PTPRM: variants seen among roughly 807,000 people sequenced by gnomAD.
PTPRM encodes protein tyrosine phosphatase receptor type M.
PTPRM carries 47 observed loss-of-function variants against 186.7 expected under a neutral mutation model. The observed-to-expected ratio is 0.25, with a 90% CI of 0.20 to 0.32. PTPRM has a LOEUF of 0.32. Ranked by LOEUF, PTPRM falls within the 10% of genes least tolerant of loss-of-function variation. The probability of loss-of-function intolerance (pLI) is 1.00; values close to 1 mark genes in which losing one functional copy is unlikely to be tolerated. For missense variants in PTPRM, 1,494 were observed against 1,865.0 expected (o/e 0.80, Z 3.66); for synonymous variants, 668 against 674.9 (o/e 0.99, Z 0.16).
rs2036460406 is a variant in PTPRM, at chr18:7,567,777, A to T, written c.-42A>T. On this transcript the variant is annotated 5_prime_UTR_variant, in exon 1 of 33. Coordinates refer to ENST00000580170, the MANE Select transcript of PTPRM (RefSeq NM_001105244.2). The surrounding 1 kb of genome is among the most constrained non-coding windows in gnomAD (Gnocchi z 4.3). ...CGGCCCCCTCCGCCCTCGCGCGCCC[A>T]CCCACCGCCGCCGGGGAGCGGCCCG... 2 of 1,503,130 alleles carry T rather than the reference A, an allele frequency of 1.3e-6. No individual in the cohort carries two copies. Among genetic ancestry groups the T allele is most frequent in the Middle Eastern group, 1.8e-4 (1 of 5,562 alleles). The allele number at this position is 1,503,130 out of a possible 1,614,324, so 93.1% of individuals were successfully genotyped here.
At chr18:7,835,014 T>A (rs1385271921) in intron 2 of PTPRM, among the ~76,000 whole-genome samples, 3 of 105,610 alleles carry the variant, frequency 2.8e-5, no homozygotes, top group East Asian at 3.3e-4. Context: ...TTTTTTTTTT[T>A]AGTCTGGCTA....
intron 32 of PTPRM, among the ~76,000 whole-genome samples, chr18:8,399,228 G>A (rs182841857): frequency 6.6e-6 from 1 of 152,294 alleles, no homozygotes; most frequent in Admixed American, 6.5e-5. Flanking sequence ...CCATCATACG[G>A]TTAAAACAGA....
intron 14 of PTPRM, among the ~76,000 whole-genome samples, chr18:8,238,667 T>G (rs1284955799): frequency 1.7e-4 from 24 of 139,558 alleles, no homozygotes; most frequent in Non-Finnish European, 2.5e-4. Flanking sequence ...TTTTTTTTTT[T>G]TTTTTTTTTT....
chr18:7,666,146 GT>G (rs2039090128), intron 1 of PTPRM, among the ~76,000 whole-genome samples: 1 of 152,150 alleles, frequency 6.6e-6, no homozygotes, highest in Non-Finnish European at 1.5e-5. Context: ...AGCTATTGAA[GT>G]TTTATTTAAA....
At chr18:7,981,623 G>A (rs538116084) in intron 7 of PTPRM, among the ~76,000 whole-genome samples, 6 of 152,284 alleles carry the variant, frequency 3.9e-5, no homozygotes, top group African/African-American at 1.4e-4. Context: ...ATATATATGA[G>A]TATGAAGTAT....
chr18:8,298,641 C>A (rs576262972), intron 20 of PTPRM, among the ~76,000 whole-genome samples: 1 of 152,286 alleles, frequency 6.6e-6, no homozygotes, highest in Non-Finnish European at 1.5e-5. Context: ...ACATCGAAAC[C>A]CGCTCACTAA....
chr18:8,034,946 T>C (rs1043728569), intron 7 of PTPRM, among the ~76,000 whole-genome samples: 1 of 152,116 alleles, frequency 6.6e-6, no homozygotes, highest in African/African-American at 2.4e-5. Flanking sequence ...CTCCATGGAA[T>C]TTTCAAGGAT....
At chr18:7,914,522 T>C (rs2050442575) in intron 4 of PTPRM, among the ~76,000 whole-genome samples, 1 of 152,142 alleles carries the variant, frequency 6.6e-6, no homozygotes, top group South Asian at 2.1e-4. Flanking sequence ...ATAATGTTTT[T>C]CTCACTGAGT....
intron 1 of PTPRM, among the ~76,000 whole-genome samples, chr18:7,735,435 G>A (rs548451404): frequency 6.6e-6 from 1 of 151,246 alleles, no homozygotes; most frequent in East Asian, 2.0e-4. Context: ...AAGCAAGCAA[G>A]CAAACAAACA....
chr18:7,725,492 T>C (rs1346057308), intron 1 of PTPRM, among the ~76,000 whole-genome samples: 1 of 152,076 alleles, frequency 6.6e-6, no homozygotes, highest in African/African-American at 2.4e-5. Context: ...TGAGAACTTA[T>C]GCTCCTGTTT....
intron 7 of PTPRM, among the ~76,000 whole-genome samples, chr18:8,003,450 G>A (rs1188992587): frequency 2.0e-5 from 3 of 152,158 alleles, no homozygotes; most frequent in Admixed American, 1.3e-4. Context: ...GCAAATTTGG[G>A]CATCCCATTT....
chr18:7,614,065 A>G (rs2037744603), intron 1 of PTPRM, among the ~76,000 whole-genome samples: 1 of 152,230 alleles, frequency 6.6e-6, no homozygotes, highest in Non-Finnish European at 1.5e-5. Context: ...TACATCACAG[A>G]TAGGAAAAAT....
chr18:7,647,880 G>C (rs1451836783), intron 1 of PTPRM, among the ~76,000 whole-genome samples: 2 of 152,228 alleles, frequency 1.3e-5, no homozygotes, highest in African/African-American at 4.8e-5. Flanking sequence ...CTCAGGTGAT[G>C]CACATGCTGC....
intron 14 of PTPRM, among the ~76,000 whole-genome samples, chr18:8,191,513 A>G (rs1248874658): frequency 6.6e-6 from 1 of 152,216 alleles, no homozygotes; most frequent in East Asian, 1.9e-4. Flanking sequence ...TGAGAAATAC[A>G]AGGTGCAAAT....
chr18:7,805,704 C>A (rs769255565), intron 2 of PTPRM, among the ~76,000 whole-genome samples: 2 of 151,982 alleles, frequency 1.3e-5, no homozygotes, highest in African/African-American at 4.8e-5. Flanking sequence ...CTTTCCTGTA[C>A]GAAGTGTATA....
intron 7 of PTPRM, among the ~76,000 whole-genome samples, chr18:8,052,714 A>C (rs539681794): frequency 2.8e-4 from 43 of 152,336 alleles, no homozygotes; most frequent in African/African-American, 8.4e-4. Context: ...TAAGAATATA[A>C]CAGCTGGATT....
At chr18:8,301,698 C>T (rs1455885531) in intron 20 of PTPRM, among the ~76,000 whole-genome samples, 2 of 152,372 alleles carry the variant, frequency 1.3e-5, no homozygotes, top group East Asian at 3.9e-4. Flanking sequence ...GGGAACAAAG[C>T]AGACAGGATG....
chr18:7,653,472 T>C (rs963134511), intron 1 of PTPRM, among the ~76,000 whole-genome samples: 1 of 152,108 alleles, frequency 6.6e-6, no homozygotes, highest in Non-Finnish European at 1.5e-5. Context: ...CCTCCCACCC[T>C]CTGCCCTCTT....
chr18:7,788,826 G>T (rs1377128795), intron 2 of PTPRM, among the ~76,000 whole-genome samples: 7 of 152,156 alleles, frequency 4.6e-5, no homozygotes, highest in Admixed American at 4.6e-4. Flanking sequence ...TGAGCTTTTT[G>T]TTAATATAGC....
Sources: gnomAD v4.1 joint callset for allele counts (sites outside exome capture counted in the v4.1 genomes callset) on GRCh38, gnomAD v4.1.1 for gene constraint, Gnocchi (gnomAD v3.1) non-coding constraint, MANE v1.5 for transcripts, NCBI Gene and HGNC (gene_info 2026-07-23, HGNC 2026-07-21) for gene names.